Variants in FGR observed in about 807,000 individuals in gnomAD.
FGR encodes tyrosine-protein kinase Fgr.
A neutral mutation model predicts 63.2 loss-of-function variants in FGR; 26 were observed. That is an observed-to-expected ratio of 0.41 (90% CI 0.30 to 0.57). FGR has a LOEUF of 0.57. Ranked by LOEUF, FGR falls within the 20% of genes least tolerant of loss-of-function variation. FGR has a pLI of 0.27. For missense variants in FGR, 511 were observed against 690.8 expected (o/e 0.74, Z 2.92); for synonymous variants, 286 against 277.7 (o/e 1.03, Z -0.30).
At chr1:27,621,474 G>T in intron 5 of FGR, 85 bp downstream of exon 5, 1 of 918,154 alleles carries the variant, frequency 1.1e-6, no homozygotes, top group Non-Finnish European at 1.8e-6. Context: ...TCGGACTGGA[G>T]CAATGACTTG....
Position 27,634,662 on chromosome 1 carries a change from C to T in FGR, c.-77+403G>A, listed in dbSNP as rs575488674. 2.6e-5 allele frequency among the ~76,000 whole-genome samples: 4 copies of T among 152,006 alleles called. No homozygotes were observed. The East Asian group carries it at 7.8e-4, about 29-fold the overall frequency. ...CCTCTCCTGGACCCATCAGACCCGT[C>T]GGCTTCTCCCCAAAGTCCCACTCTC... On this transcript the variant is annotated intron_variant, in intron 1 of 12. Transcript: ENST00000374005.
At chr1:27,626,838 A>G (rs1244561617) in intron 1 of FGR, among the ~76,000 whole-genome samples, 1 of 152,000 alleles carries the variant, frequency 6.6e-6, no homozygotes, top group Non-Finnish European at 1.5e-5. Context: ...GAGGGATTTC[A>G]GGAACTGGTG....
At position 27,617,244 on chromosome 1, in the gene FGR, G is replaced by A. The variant is rs762814220; in HGVS notation, c.481C>T (p.Pro161Ser). Residue 161 changes from proline (P) to serine (S), a missense_variant, in exon 6 of 13, where the codon CCA becomes TCA. By Grantham distance (74) the Pro-to-Ser change is moderately conservative. Coordinates refer to ENST00000374005, the MANE Select transcript of FGR (RefSeq NM_005248.3). This position sits in a 1 kb window ranked among gnomAD's most constrained non-coding sequence, Gnocchi z 4.5. ...AGAAAGGCCCCCTGGGGGTTGCCTG[G>A]TGAAAGCAGCTGCCTCTCTGCATCC... The part of the protein sequence containing the change: ...RKDAERQLLS[P>S]GNPQGAFLIR... 1 of 1,614,186 alleles carries A rather than the reference G, an allele frequency of 6.2e-7. No individual in the cohort carries two copies. The highest frequency in any genetic ancestry group is 1.1e-5 in the South Asian group (1 of 91,088).
At position 27,623,755 on chromosome 1, in the gene FGR, G is replaced by T; in HGVS notation, c.162C>A (p.Ser54Arg). 1 of 1,614,242 alleles carries T rather than the reference G, an allele frequency of 6.2e-7. No homozygotes were observed. The highest frequency in any genetic ancestry group is 8.5e-7 in the Non-Finnish European group (1 of 1,180,042). Residue 54 changes from serine to arginine, a missense_variant, in exon 3 of 13, where the codon AGC becomes AGA. Physicochemically the swap from Ser to Arg is moderately radical, Grantham distance 110. Transcript: ENST00000374005. The part of the protein sequence containing the change: ...ASSFAHIPNY[S>R]NFSSQAINPG... ...GGTTGATGGCCTGAGAGGAGAAGTT[G>T]CTGTAGTTGGGGATGTGGGCAAATG... is the stretch of plus-strand genomic sequence containing the variant.
intron 2 of FGR, 44 bp from the exon 3 acceptor site, chr1:27,623,973 C>T (rs2089976204): frequency 6.7e-7 from 1 of 1,486,514 alleles, no homozygotes; most frequent in African/African-American, 1.4e-5. Context: ...CTGCCAGGTG[C>T]ACCACCCTGT....
At chr1:27,634,371 C>T (rs1258060179) in intron 1 of FGR, among the ~76,000 whole-genome samples, 3 of 152,132 alleles carry the variant, frequency 2.0e-5, no homozygotes, top group Non-Finnish European at 4.4e-5. Context: ...GAAGCGGGGA[C>T]CCACGCCTCG....
intron 1 of FGR, among the ~76,000 whole-genome samples, chr1:27,630,184 C>T (rs1571407448): frequency 6.6e-6 from 1 of 152,136 alleles, no homozygotes; most frequent in African/African-American, 2.4e-5. Flanking sequence ...TCCTGAGTAG[C>T]TGGGACTACA....
intron 1 of FGR, among the ~76,000 whole-genome samples, chr1:27,633,380 GA>G (rs1479136197): frequency 6.6e-6 from 1 of 152,168 alleles, no homozygotes; most frequent in African/African-American, 2.4e-5. Context: ...CAGGGCCCCT[GA>G]GAGTACACAC....
In FGR at chr1:27,615,726, G is replaced by A; in HGVS notation, c.801C>T (p.Arg267=). The change falls in exon 8 of 13, where the codon CGC becomes CGT. Residue 267 remains arginine (R), a synonymous_variant. Coordinates refer to ENST00000374005, the MANE Select transcript of FGR (RefSeq NM_005248.3). The surrounding 1 kb of genome is among the most constrained non-coding windows in gnomAD (Gnocchi z 7.6). ...CCCCGAAGCAGCCGGTGCCCAGCCG[G>A]CGCTCCAGCGTGATGGAGCTGCGGC... ...EISRSSITLE[R]RLGTGCFGDV... The A allele has an allele frequency of 1.9e-6, 3 of 1,607,446 alleles. No homozygotes were observed. The highest frequency in any genetic ancestry group is 2.6e-6 in the Non-Finnish European group (3 of 1,175,810).
Position 27,623,100 on chromosome 1 carries a change from G to A in FGR, c.271C>T (p.Arg91Ter). ...GTGAAGGTGAGGTCATCCTCAGTTC[G>A]AGCCTCATAGTCATACAGGGCAATG... ...LFIALYDYEA[R>*]TEDDLTFTKG... The change falls in exon 4 of 13, where the codon CGA becomes TGA. Residue 91 changes from arginine (R) to a stop codon, truncating the protein, a stop_gained. Transcript: ENST00000374005. LOFTEE classifies it high-confidence loss of function. 6.2e-7 allele frequency: 1 copy of A among 1,614,102 alleles called. No individual in the cohort carries two copies. The highest frequency in any genetic ancestry group is 8.5e-7 in the Non-Finnish European group (1 of 1,179,976).
intron 5 of FGR, among the ~76,000 whole-genome samples, chr1:27,620,682 C>T (rs778536159): frequency 6.6e-6 from 1 of 151,076 alleles, no homozygotes; most frequent in Non-Finnish European, 1.5e-5. Context: ...TAAATACTTG[C>T]TGTAGTATAC....
chr1:27,622,980 T>C, intron 4 of FGR, 62 bp downstream of exon 4: 2 of 1,201,436 alleles, frequency 1.7e-6, no homozygotes, highest in Non-Finnish European at 1.2e-6. Context: ...CCAGGTGGGA[T>C]TCCTGTCTGT....
intron 2 of FGR, 92 bp from the exon 3 acceptor site, chr1:27,624,021 G>A (rs1454994662): frequency 8.9e-7 from 1 of 1,123,566 alleles, no homozygotes; most frequent in East Asian, 2.4e-5. Flanking sequence ...CGCTCATACA[G>A]GCACGTGGCT....
At chr1:27,622,314 G>A (rs1040434426) in intron 4 of FGR, among the ~76,000 whole-genome samples, 1 of 148,008 alleles carries the variant, frequency 6.8e-6, no homozygotes, top group Non-Finnish European at 1.5e-5. Flanking sequence ...AAAAAGCCTG[G>A]CAGAATCTGC....
intron 2 of FGR, among the ~76,000 whole-genome samples, chr1:27,624,338 T>C (rs946785934): frequency 6.6e-6 from 1 of 152,142 alleles, no homozygotes; most frequent in Non-Finnish European, 1.5e-5. Flanking sequence ...TGGGCTCAAG[T>C]GATCCTCTGG....
intron 1 of FGR, among the ~76,000 whole-genome samples, chr1:27,625,768 G>A (rs2090011955): frequency 6.6e-6 from 1 of 152,072 alleles, no homozygotes; most frequent in African/African-American, 2.4e-5. Flanking sequence ...GTGAAACCCC[G>A]TCTCTACTAA....
At chr1:27,621,410 A>G in intron 5 of FGR, 149 bp downstream of exon 5, 1 of 622,786 alleles carries the variant, frequency 1.6e-6, no homozygotes, top group East Asian at 2.9e-5. Context: ...TATCAGTACA[A>G]TCTTCTTTTG....
At position 27,615,962 on chromosome 1, in the gene FGR, G is replaced by T; in HGVS notation, c.683-118C>A. ...TCAGTTATAAGGAACTAGGCCCCAAGTGAGGTCACAGGCCAGGAAGAAAGG... is the reference window on the plus strand; with the variant it reads ...TCAGTTATAAGGAACTAGGCCCCAATTGAGGTCACAGGCCAGGAAGAAAGG... On this transcript the variant is annotated intron_variant, in intron 7 of 12. Transcript: ENST00000374005. The surrounding 1 kb of genome is among the most constrained non-coding windows in gnomAD (Gnocchi z 7.6). 8.5e-7 allele frequency: 1 copy of T among 1,170,150 alleles called. No individual in the cohort carries two copies. The highest frequency in any genetic ancestry group is 1.2e-6 in the Non-Finnish European group (1 of 854,710). The allele number at this position is 1,170,150 out of a possible 1,614,324, so 72.5% of individuals were successfully genotyped here. A position where few individuals can be genotyped will look rare whatever the true frequency, so the allele number is the denominator to read the frequency against.
At chr1:27,629,753 C>T (rs1413839297) in intron 1 of FGR, among the ~76,000 whole-genome samples, 1 of 152,172 alleles carries the variant, frequency 6.6e-6, no homozygotes, top group Admixed American at 6.5e-5. Flanking sequence ...CAGTCATGGT[C>T]TTATTTGGTG....
Sources: allele counts gnomAD v4.1 joint callset (sites outside exome capture counted in the v4.1 genomes callset), GRCh38; gene constraint gnomAD v4.1.1; non-coding constraint Gnocchi (gnomAD v3.1); transcripts MANE v1.5; gene names NCBI Gene and HGNC (gene_info 2026-07-23, HGNC 2026-07-21).